PYGL: variants seen among roughly 807,000 people sequenced by gnomAD.
PYGL encodes the protein glycogen phosphorylase L.
PYGL carries 90 observed loss-of-function variants against 100.1 expected under a neutral mutation model. That is an observed-to-expected ratio of 0.90 (90% confidence interval 0.76 to 1.07). PYGL has a LOEUF of 1.07. PYGL is among the 50% of genes least tolerant of loss of function. The pLI, the probability that PYGL is intolerant of heterozygous loss-of-function variation, is 0.00. For synonymous variants in PYGL, 373 were observed against 393.0 expected, an observed-to-expected ratio of 0.95 and a Z score of 0.60; for missense variants, 1,016 against 1,057.6, an observed-to-expected ratio of 0.96 and a Z score of 0.55.
intron 3 of PYGL, among the ~76,000 whole-genome samples, chr14:50,934,525 T>C (rs2050634518): frequency 6.6e-6 from 1 of 152,174 alleles, no homozygotes. Flanking sequence ...AGCCATACAG[T>C]GTGATACCAT....
In PYGL at chr14:50,943,669, A is replaced by C. The variant is rs17123239; in HGVS notation, c.243+492T>G. Among the ~76,000 whole-genome samples the C allele has an allele frequency of 7.1e-3, 1,089 of 152,310 alleles. 18 individuals are homozygous for C. Among genetic ancestry groups the C allele is most frequent in the African/African-American group, 0.024 (1,010 of 41,580 alleles). On this transcript the variant is annotated intron_variant, in intron 1 of 19. Transcript: ENST00000216392. ...AGCCACTCCCAGAGGCCTGAGACTT[A>C]CGACCTTTTCCCAGCTCGGCGTTTG...
At chr14:50,905,782 T>C (rs995961528) in intron 19 of PYGL, among the ~76,000 whole-genome samples, 1 of 152,256 alleles carries the variant, frequency 6.6e-6, no homozygotes, top group East Asian at 1.9e-4. Context: ...TATTTTTCAC[T>C]CTAAGAGAAA....
chr14:50,908,895 A>C lies in PYGL; in HGVS notation c.2238T>G (p.Ile746Met), dbSNP rs761979049. 1.3e-6 allele frequency: 2 copies of C among 1,592,162 alleles called. No individual in the cohort carries two copies. The highest frequency in any genetic ancestry group is 1.7e-5 in the Admixed American group (1 of 59,974). ...LPELKLVIDQ[I>M]DNGFFSPKQP... ...GCTTGGGAGAAAAAAAGCCATTGTC[A>C]ATTTGATCAATGACCAGCTTCAGCT... The change falls in exon 18 of 20, where the codon ATT (isoleucine) becomes ATG (methionine). Residue 746 changes from isoleucine (I) to methionine (M), a missense_variant. Coordinates refer to ENST00000216392, the MANE Select transcript of PYGL (RefSeq NM_002863.5).
At position 50,920,570 on chromosome 14, in the gene PYGL, T is replaced by G; in HGVS notation, c.826A>C (p.Ile276Leu). The G allele has an allele frequency of 6.2e-7, 1 of 1,613,484 alleles. No individual in the cohort carries two copies. Among genetic ancestry groups the G allele is most frequent in the Non-Finnish European group, 8.5e-7 (1 of 1,179,424 alleles). ...TCATTGGGATAGAGGACCCGGGAGA[T>G]GTTCTCGGCCAGGTTTCGGTCCAGC... ...AVLDRNLAEN[I>L]SRVLYPNDNF... is the part of the protein sequence containing the mutation. Residue 276 changes from isoleucine to leucine, a missense_variant, in exon 7 of 20, where the codon ATC becomes CTC. Physicochemically the swap from Ile to Leu is conservative, Grantham distance 5. Transcript: ENST00000216392.
At chr14:50,924,264 G>C (rs1254680861) in intron 4 of PYGL, among the ~76,000 whole-genome samples, 164 bp from the exon 5 acceptor site, 1 of 152,052 alleles carries the variant, frequency 6.6e-6, no homozygotes, top group African/African-American at 2.4e-5. Context: ...AATAATACTC[G>C]CTAATACAGC....
At chr14:50,924,228 G>C (rs2050527322) in intron 4 of PYGL, 128 bp from the exon 5 acceptor site, 2 of 1,146,072 alleles carry the variant, frequency 1.7e-6, no homozygotes, top group Non-Finnish European at 1.2e-6. Flanking sequence ...GTACTGTTTT[G>C]TAACTTTTTT....
chr14:50,924,883 CAACA>C (rs960795031), intron 4 of PYGL, among the ~76,000 whole-genome samples: 2 of 152,094 alleles, frequency 1.3e-5, no homozygotes, highest in Admixed American at 6.6e-5. Flanking sequence ...TTTTCATTTG[CAACA>C]AACAAACAAA....
chr14:50,917,384 GGTAA>G (rs2050463075), intron 7 of PYGL, among the ~76,000 whole-genome samples: 1 of 152,182 alleles, frequency 6.6e-6, no homozygotes, highest in Non-Finnish European at 1.5e-5. Flanking sequence ...ATGCATGAGT[GGTAA>G]GTGATTCAGA....
At chr14:50,912,985 T>G in intron 13 of PYGL, 44 bp downstream of exon 13, 1 of 1,553,166 alleles carries the variant, frequency 6.4e-7, no homozygotes, top group Non-Finnish European at 8.9e-7. Context: ...GGATAAACTC[T>G]CACAGTGAGT....
chr14:50,908,695 T>A, intron 18 of PYGL, 126 bp downstream of exon 18: 1 of 1,340,894 alleles, frequency 7.5e-7, no homozygotes, highest in Non-Finnish European at 1.0e-6. Flanking sequence ...CTAATCTACA[T>A]GAGTGGGTTT....
chr14:50,942,189 G>A (rs1335650378), intron 1 of PYGL, among the ~76,000 whole-genome samples: 1 of 94,376 alleles, frequency 1.1e-5, no homozygotes, highest in Non-Finnish European at 2.5e-5. Flanking sequence ...AACACGTGTG[G>A]AATGAAACAT....
At chr14:50,923,193 T>C (rs1173513828) in intron 5 of PYGL, 1 of 152,250 alleles carries the variant, frequency 6.6e-6, no homozygotes, top group Non-Finnish European at 1.5e-5. Flanking sequence ...AGAGGTGTTT[T>C]GTAAATGCAA....
chr14:50,923,687 CAAAAAAAA>C (rs762951824), intron 5 of PYGL: 16 of 119,572 alleles, frequency 1.3e-4, no homozygotes, highest in East Asian at 2.3e-4. Flanking sequence ...AATTTTCTGG[CAAAAAAAA>C]AAAAAAAAAA....
chr14:50,932,779 G>T (rs1230002754), intron 3 of PYGL, among the ~76,000 whole-genome samples: 1 of 152,138 alleles, frequency 6.6e-6, no homozygotes, highest in Non-Finnish European at 1.5e-5. Flanking sequence ...TTTAAGCTGA[G>T]AAATATACAC....
chr14:50,924,228 G>A, intron 4 of PYGL, 128 bp from the exon 5 acceptor site: 1 of 1,146,188 alleles, frequency 8.7e-7, no homozygotes, highest in South Asian at 1.4e-5. Flanking sequence ...GTACTGTTTT[G>A]TAACTTTTTT....
Position 50,931,062 on chromosome 14 carries a change from T to C in PYGL, c.528+611A>G, listed in dbSNP as rs115819743. On this transcript the variant is annotated intron_variant, in intron 4 of 19. Coordinates refer to ENST00000216392, the MANE Select transcript of PYGL (RefSeq NM_002863.5). ...AAATGTGTGCCAGATTTATTTGCTA[T>C]AACAGTTAACAACACTGTCTGATTT... is the stretch of plus-strand genomic sequence containing the variant. Among the ~76,000 whole-genome samples the C allele has an allele frequency of 8.3e-3, 1,269 of 152,224 alleles. 19 individuals carry two copies. Among genetic ancestry groups the C allele is most frequent in the African/African-American group, 0.029 (1,199 of 41,564 alleles).
chr14:50,924,541 G>A (rs1293650810), intron 4 of PYGL, among the ~76,000 whole-genome samples: 1 of 152,166 alleles, frequency 6.6e-6, no homozygotes, highest in East Asian at 1.9e-4. Flanking sequence ...TACACAAAGG[G>A]TTCAGTCAAG....
chr14:50,941,868 ACT>A (rs1355973057), intron 1 of PYGL, among the ~76,000 whole-genome samples: 1 of 152,116 alleles, frequency 6.6e-6, no homozygotes, highest in African/African-American at 2.4e-5. Flanking sequence ...ACAGAGTGAG[ACT>A]CTGTCACAAA....
At position 50,935,107 on chromosome 14, in the gene PYGL, C is replaced by T. The variant is rs946030711; in HGVS notation, c.424G>A (p.Ala142Thr). ...ATAATACACTCACAATGTCACTTAC[C>T]AGCAAGTCTCCCAAGACCACCATTG... ...LGNGGLGRLA[A>T]CFLDSMATLG... is the part of the protein sequence containing the mutation. Residue 142 changes from alanine to threonine, a missense_variant and splice_region_variant, in exon 3 of 20, where the codon GCC (alanine) becomes ACC (threonine). By Grantham distance (58) the Ala-to-Thr change is moderately conservative. Coordinates refer to ENST00000216392, the MANE Select transcript of PYGL (RefSeq NM_002863.5). 2 of 1,605,352 alleles carry T rather than the reference C, an allele frequency of 1.2e-6. No homozygotes were observed. Among genetic ancestry groups the T allele is most frequent in the African/African-American group, 2.7e-5 (2 of 74,754 alleles).
Sources: gnomAD v4.1 joint callset for allele counts (sites outside exome capture counted in the v4.1 genomes callset) on GRCh38, gnomAD v4.1.1 for gene constraint, MANE v1.5 for transcripts, NCBI Gene and HGNC (gene_info 2026-07-23, HGNC 2026-07-21) for gene names.